The following MLXIP variants were observed in gnomAD, a reference collection of about 807,000 sequenced individuals.
The protein encoded by MLXIP is MLX-interacting protein.
Under a neutral mutation model 87.2 loss-of-function variants are expected in MLXIP, and 30 were observed. That is an observed-to-expected ratio of 0.34 (90% CI 0.26 to 0.47). The LOEUF is 0.47. Among genes scored for constraint, MLXIP ranks in the 20% least tolerant of loss-of-function variants. MLXIP has a pLI of 1.00. For synonymous variants in MLXIP, 530 were observed against 514.0 expected (o/e 1.03, Z -0.42); for missense variants, 1,002 against 1,240.1 (o/e 0.81, Z 2.88).
At chr12:122,109,884 C>T (rs1054770428) in intron 1 of MLXIP, among the ~76,000 whole-genome samples, 20 of 152,248 alleles carry the variant, frequency 1.3e-4, no homozygotes, top group African/African-American at 4.1e-4. Flanking sequence ...CAAAGTTGTT[C>T]GTATGCTTTT....
intron 1 of MLXIP, among the ~76,000 whole-genome samples, chr12:122,092,154 G>A (rs1223911386): frequency 4.0e-5 from 6 of 151,394 alleles, no homozygotes; most frequent in Admixed American, 1.3e-4. Flanking sequence ...CTGGAGTGCA[G>A]TGGCGCGATC....
chr12:122,100,381 CTG>C (rs769113908), intron 1 of MLXIP, among the ~76,000 whole-genome samples: 30 of 152,330 alleles, frequency 2.0e-4, no homozygotes, highest in Non-Finnish European at 3.2e-4. Flanking sequence ...TTCTAGATCA[CTG>C]TTTATTTTGT....
chr12:122,124,992 T>A (rs1952857557), intron 1 of MLXIP, among the ~76,000 whole-genome samples: 1 of 152,054 alleles, frequency 6.6e-6, no homozygotes, highest in African/African-American at 2.4e-5. Context: ...CATGATGAAA[T>A]CCCATCTCTA....
chr12:122,120,337 CTCAGTCT>C (rs1461635385), intron 1 of MLXIP, among the ~76,000 whole-genome samples: 14 of 152,230 alleles, frequency 9.2e-5, no homozygotes, highest in Middle Eastern at 3.4e-3. Flanking sequence ...ATCCTCCCAT[CTCAGTCT>C]TCTGAGTAGC....
chr12:122,093,126 G>A (rs1389453655), intron 1 of MLXIP, among the ~76,000 whole-genome samples: 1 of 149,602 alleles, frequency 6.7e-6, no homozygotes, highest in African/African-American at 2.5e-5. Flanking sequence ...TGGGATGTGT[G>A]TGGGGTCTGT....
intron 1 of MLXIP, among the ~76,000 whole-genome samples, chr12:122,083,303 T>TC (rs1283430455): frequency 1.3e-5 from 2 of 152,236 alleles, no homozygotes; most frequent in Non-Finnish European, 2.9e-5. Context: ...AATAGGTTTC[T>TC]GTTTAAGAAG....
At chr12:122,121,449 G>T (rs573870664) in intron 1 of MLXIP, among the ~76,000 whole-genome samples, 1 of 150,480 alleles carries the variant, frequency 6.6e-6, no homozygotes, top group Non-Finnish European at 1.5e-5. Context: ...TGTATTTTTA[G>T]TAGAGACAGG....
intron 1 of MLXIP, among the ~76,000 whole-genome samples, chr12:122,124,260 CCG>C (rs1421488054): frequency 9.1e-5 from 7 of 76,860 alleles, no homozygotes; most frequent in African/African-American, 3.3e-4. Flanking sequence ...AGCCGCCCCC[CCG>C]CCCTCAGCCG....
At chr12:122,081,691 T>TG (rs954017875) in intron 1 of MLXIP, among the ~76,000 whole-genome samples, 1 of 151,954 alleles carries the variant, frequency 6.6e-6, no homozygotes, top group Non-Finnish European at 1.5e-5. Context: ...AAAAAGGGAT[T>TG]GGGGGCAGGG....
intron 1 of MLXIP, among the ~76,000 whole-genome samples, chr12:122,089,971 GTTAGCA>G (rs1375906892): frequency 6.6e-6 from 1 of 152,156 alleles, no homozygotes; most frequent in African/African-American, 2.4e-5. Flanking sequence ...GGTGCGACTG[GTTAGCA>G]TCTGCCCCTT....
chr12:122,133,201 C>A lies in MLXIP; in HGVS notation c.1093-147C>A. 1 of 827,438 alleles carries A rather than the reference C, an allele frequency of 1.2e-6. No homozygotes were observed. Among genetic ancestry groups the A allele is most frequent in the Admixed American group, 2.9e-5 (1 of 34,480 alleles). The allele number at this position is 827,438 out of a possible 1,614,324, so 51.3% of individuals were successfully genotyped here. On this transcript the variant is annotated intron_variant, in intron 8 of 16. Transcript: ENST00000319080. This position sits in a 1 kb window ranked among gnomAD's most constrained non-coding sequence, Gnocchi z 4.9. ...CACGCAGGGAAACACAAATCCCTAT[C>A]AGATCAGCAGCCATGGACGTGGAGA...
chr12:122,138,462 C>T lies in MLXIP; in HGVS notation c.2295C>T (p.Tyr765=), dbSNP rs750708501. 34 of 1,613,944 alleles carry T rather than the reference C, an allele frequency of 2.1e-5. No homozygotes were observed. Among genetic ancestry groups the T allele is most frequent in the African/African-American group, 2.7e-5 (2 of 75,060 alleles). The change falls in exon 14 of 17, where the codon TAC becomes TAT. Residue 765 remains tyrosine, a synonymous_variant. Coordinates refer to ENST00000319080, the MANE Select transcript of MLXIP (RefSeq NM_014938.6). ...TCACACTGCAGAAGACTGTGGAGTACATCACCAAGCTGCAGCAGGAGAGAG... is the reference window on the plus strand; with the variant it reads ...TCACACTGCAGAAGACTGTGGAGTATATCACCAAGCTGCAGCAGGAGAGAG... ...HAITLQKTVE[Y]ITKLQQERGQ... is the part of the protein sequence containing the mutation.
chr12:122,133,788 C>T lies in MLXIP; in HGVS notation c.1533C>T (p.Thr511=). ...FSQSQGLVIT[T]HHPAPSAAPC... is the part of the protein sequence containing the mutation. ...AGAGTCAGGGCCTTGTGATCACCACCCATCACCCTGCCCCGTCAGCGGCCC... is the reference window on the plus strand; with the variant it reads ...AGAGTCAGGGCCTTGTGATCACCACTCATCACCCTGCCCCGTCAGCGGCCC... Residue 511 remains threonine (T), a synonymous_variant, in exon 9 of 17, where the codon ACC becomes ACT. Coordinates refer to ENST00000319080, the MANE Select transcript of MLXIP (RefSeq NM_014938.6). The surrounding 1 kb of genome is among the most constrained non-coding windows in gnomAD (Gnocchi z 4.9). The T allele has an allele frequency of 1.2e-6, 2 of 1,613,314 alleles. No homozygotes were observed. Among genetic ancestry groups the T allele is most frequent in the Non-Finnish European group, 1.7e-6 (2 of 1,179,724 alleles).
At chr12:122,141,131 G>A (rs752951739) in intron 16 of MLXIP, 48 bp downstream of exon 16, 45 of 1,570,502 alleles carry the variant, frequency 2.9e-5, no homozygotes, top group Non-Finnish European at 3.6e-5. Context: ...AGTCCTGGAG[G>A]GAGGACAGCC....
Position 122,135,962 on chromosome 12 carries a change from T to C in MLXIP, c.2032+296T>C. 3.0e-6 allele frequency: 1 copy of C among 330,250 alleles called. No individual in the cohort carries two copies. Among genetic ancestry groups the C allele is most frequent in the Non-Finnish European group, 5.6e-6 (1 of 179,826 alleles). 20.5% of individuals were successfully genotyped at this position (330,250 alleles called of 1,614,324 possible). On this transcript the variant is annotated intron_variant, in intron 11 of 16. Transcript: ENST00000319080. The surrounding 1 kb of genome is among the most constrained non-coding windows in gnomAD (Gnocchi z 5.3). ...AAGGCCTGGTACTGAGCTGCTGATC[T>C]CACCCAGAGAAGGGATTGAGGAGCC... is the stretch of plus-strand genomic sequence containing the variant.
intron 1 of MLXIP, among the ~76,000 whole-genome samples, chr12:122,095,536 T>C (rs1271316071): frequency 3.3e-5 from 5 of 152,222 alleles, no homozygotes; most frequent in African/African-American, 7.2e-5. Context: ...TGCTGAAAAG[T>C]TGGGGAGTTC....
intron 1 of MLXIP, among the ~76,000 whole-genome samples, chr12:122,124,118 G>A (rs1048933932): frequency 1.3e-5 from 2 of 151,730 alleles, no homozygotes; most frequent in African/African-American, 4.8e-5. Context: ...TCCCACCCAA[G>A]GCGTGCTGCA....
intron 1 of MLXIP, among the ~76,000 whole-genome samples, chr12:122,090,975 T>A (rs569158758): frequency 6.6e-6 from 1 of 151,656 alleles, no homozygotes; most frequent in African/African-American, 2.4e-5. Context: ...AAATGGATAG[T>A]CACTGCTAAT....
At chr12:122,101,938 T>G (rs1157818363) in intron 1 of MLXIP, among the ~76,000 whole-genome samples, 1 of 152,212 alleles carries the variant, frequency 6.6e-6, no homozygotes, top group African/African-American at 2.4e-5. Context: ...CCATTTTGAG[T>G]TAATATTTGT....
Sources: allele counts gnomAD v4.1 joint callset (sites outside exome capture counted in the v4.1 genomes callset), GRCh38; gene constraint gnomAD v4.1.1; non-coding constraint Gnocchi (gnomAD v3.1); transcripts MANE v1.5; gene names NCBI Gene and HGNC (gene_info 2026-07-23, HGNC 2026-07-21).